The following GRIK2 variants were observed in gnomAD, a reference collection of about 807,000 sequenced individuals.
GRIK2 encodes glutamate ionotropic receptor kainate type subunit 2.
Under a neutral mutation model 100.3 loss-of-function variants are expected in GRIK2, and 32 were observed. That is an observed-to-expected ratio of 0.32 (90% CI 0.24 to 0.43). The LOEUF is 0.43. Among genes scored for constraint, GRIK2 ranks in the 20% least tolerant of loss-of-function variants. The pLI is 1.00. For missense variants in GRIK2, 843 were observed against 1,114.9 expected (o/e 0.76, Z 3.47); for synonymous variants, 417 against 389.4 (o/e 1.07, Z -0.83).
rs369227172 is a variant in GRIK2, at chr6:101,507,485, G to A, written c.115+108093G>A. Among the ~76,000 whole-genome samples, 286 of 152,004 alleles carry A rather than the reference G, an allele frequency of 1.9e-3. 1 individual carries two copies. In the South Asian group the frequency reaches 0.022, roughly 12 times the overall value. On this transcript the variant is annotated intron_variant, in intron 2 of 16. Coordinates refer to ENST00000369134, the MANE Select transcript of GRIK2 (RefSeq NM_021956.5). ...TTTCTTTTGAAATGTCAATGATTGA[G>A]AACTTAGGTTTAAAAAAAATTACCT...
At chr6:101,426,286 G>A (rs1776693644) in intron 2 of GRIK2, among the ~76,000 whole-genome samples, 1 of 152,134 alleles carries the variant, frequency 6.6e-6, no homozygotes, top group African/African-American at 2.4e-5. Flanking sequence ...TCTCTGTTGT[G>A]TAAGATGAGT....
intron 2 of GRIK2, among the ~76,000 whole-genome samples, chr6:101,580,656 C>G (rs927639231): frequency 1.3e-5 from 2 of 152,146 alleles, no homozygotes; most frequent in East Asian, 3.9e-4. Context: ...AAGGCCCTAA[C>G]TAACCCCCAC....
At chr6:102,046,175 C>T (rs970739275) in intron 15 of GRIK2, among the ~76,000 whole-genome samples, 1 of 151,734 alleles carries the variant, frequency 6.6e-6, no homozygotes, top group Admixed American at 6.6e-5. Context: ...TATTGATTCA[C>T]CTGAATATAT....
chr6:101,407,808 C>T (rs1176385037), intron 2 of GRIK2, among the ~76,000 whole-genome samples: 4 of 152,094 alleles, frequency 2.6e-5, no homozygotes, highest in South Asian at 4.1e-4. Flanking sequence ...AAGATATGTA[C>T]ATATTAAAGT....
chr6:101,864,016 A>G (rs1374260367), intron 11 of GRIK2, among the ~76,000 whole-genome samples: 1 of 151,376 alleles, frequency 6.6e-6, no homozygotes, highest in Non-Finnish European at 1.5e-5. Flanking sequence ...GGGCGCCTGT[A>G]GTCCCAGCTA....
At chr6:101,580,098 G>T (rs947788132) in intron 2 of GRIK2, among the ~76,000 whole-genome samples, 1 of 151,874 alleles carries the variant, frequency 6.6e-6, no homozygotes, top group Non-Finnish European at 1.5e-5. Context: ...TCTAATTCTC[G>T]TAACTTTAAA....
intron 10 of GRIK2, among the ~76,000 whole-genome samples, chr6:101,837,554 G>GA (rs1005743939): frequency 1.3e-5 from 2 of 151,772 alleles, no homozygotes; most frequent in East Asian, 3.9e-4. Flanking sequence ...AATAAAGCTG[G>GA]AAAAAAAGAA....
chr6:102,025,200 AT>A (rs944126067), intron 14 of GRIK2, among the ~76,000 whole-genome samples: 2 of 150,880 alleles, frequency 1.3e-5, no homozygotes, highest in Admixed American at 6.6e-5. Flanking sequence ...TCATTTATCC[AT>A]TTTTTTCTAA....
intron 2 of GRIK2, among the ~76,000 whole-genome samples, chr6:101,536,880 C>T (rs1382167031): frequency 6.6e-6 from 1 of 151,540 alleles, no homozygotes; most frequent in African/African-American, 2.4e-5. Context: ...TATTGCAATC[C>T]AAATGAGCTT....
chr6:101,510,219 G>A (rs1774229707), intron 2 of GRIK2, among the ~76,000 whole-genome samples: 1 of 152,104 alleles, frequency 6.6e-6, no homozygotes, highest in Admixed American at 6.6e-5. Context: ...TTTGTTTTTG[G>A]TAGGAGAGTG....
intron 2 of GRIK2, among the ~76,000 whole-genome samples, chr6:101,500,716 AATT>A (rs1773704945): frequency 3.3e-5 from 5 of 152,068 alleles, no homozygotes; most frequent in Admixed American, 3.3e-4. Flanking sequence ...ATTGTTTGGA[AATT>A]ATTATCCTTC....
chr6:101,796,775 G>T (rs6919292), intron 7 of GRIK2, among the ~76,000 whole-genome samples: 3,943 of 152,082 alleles, frequency 0.026, 180 homozygotes, highest in African/African-American at 0.09. Flanking sequence ...CAAACTTCAG[G>T]GCTCAAGTGA....
chr6:101,680,037 C>T (rs1439550820), intron 5 of GRIK2, among the ~76,000 whole-genome samples: 1 of 152,162 alleles, frequency 6.6e-6, no homozygotes, highest in Non-Finnish European at 1.5e-5. Flanking sequence ...CGCGCCTGGC[C>T]TCCCAGCGTT....
chr6:101,514,337 A>C (rs1774471352), intron 2 of GRIK2, among the ~76,000 whole-genome samples: 1 of 152,102 alleles, frequency 6.6e-6, no homozygotes, highest in Non-Finnish European at 1.5e-5. Flanking sequence ...AACGACACGG[A>C]CACACATGGA....
intron 10 of GRIK2, among the ~76,000 whole-genome samples, chr6:101,849,530 A>G (rs950164717): frequency 3.9e-5 from 6 of 152,054 alleles, no homozygotes; most frequent in Non-Finnish European, 8.8e-5. Context: ...TCAGCCTTCT[A>G]CTTTCAATCA....
chr6:101,410,703 A>G (rs1003882811), intron 2 of GRIK2, among the ~76,000 whole-genome samples: 1 of 152,168 alleles, frequency 6.6e-6, no homozygotes, highest in African/African-American at 2.4e-5. Flanking sequence ...TTAAACTTCA[A>G]TGTATAAATA....
intron 16 of GRIK2, among the ~76,000 whole-genome samples, chr6:102,058,940 A>C (rs1309585948): frequency 2.6e-5 from 4 of 151,316 alleles, no homozygotes; most frequent in Non-Finnish European, 5.9e-5. Context: ...TAAATAATGA[A>C]TATCTTTCCA....
intron 2 of GRIK2, among the ~76,000 whole-genome samples, chr6:101,460,355 C>T (rs1771240720): frequency 6.6e-6 from 1 of 152,130 alleles, no homozygotes; most frequent in Non-Finnish European, 1.5e-5. Context: ...AGTCAGTGTA[C>T]CACATTCTGA....
At chr6:101,618,658 A>G (rs1032296043) in intron 2 of GRIK2, among the ~76,000 whole-genome samples, 11 of 151,804 alleles carry the variant, frequency 7.2e-5, no homozygotes, top group Admixed American at 6.6e-4. Flanking sequence ...TCTGTAATCA[A>G]TAACCTGCCT....
Sources: gnomAD v4.1 joint callset for allele counts (sites outside exome capture counted in the v4.1 genomes callset) on GRCh38, gnomAD v4.1.1 for gene constraint, MANE v1.5 for transcripts, NCBI Gene and HGNC (gene_info 2026-07-23, HGNC 2026-07-21) for gene names.